Variants in ZGRF1 observed in about 807,000 individuals in gnomAD.
The protein encoded by ZGRF1 is zinc finger GRF-type containing 1.
ZGRF1 carries 196 observed loss-of-function variants against 203.5 expected under a neutral mutation model. That is an observed-to-expected ratio of 0.96 (90% CI 0.86 to 1.08). ZGRF1 has a LOEUF of 1.08. Among genes scored for constraint, ZGRF1 ranks in the 50% least tolerant of loss-of-function variants. The probability of loss-of-function intolerance (pLI) is 0.00; values close to 1 mark genes in which losing one functional copy is unlikely to be tolerated. For synonymous variants in ZGRF1, 809 were observed against 841.3 expected (o/e 0.96, Z 0.66); for missense variants, 2,326 against 2,416.3 (o/e 0.96, Z 0.78).
chr4:112,618,833 T>C lies in ZGRF1; in HGVS notation c.1209A>G (p.Lys403=). Residue 403 remains lysine (K), a synonymous_variant, in exon 6 of 28, where the codon AAA becomes AAG. Transcript: ENST00000505019. ...TTTCATTGAATGAAGGAATTTCTAA[T>C]TTTACTTCCTGATTCCAGGATGGAT... ...NNDPSWNQEV[K]LEIPSFNESS... The C allele has an allele frequency of 6.2e-7, 1 of 1,613,272 alleles. No individual in the cohort carries two copies. The highest frequency in any genetic ancestry group is 8.5e-7 in the Non-Finnish European group (1 of 1,179,762).
At chr4:112,566,970 A>T (rs1039521348) in intron 16 of ZGRF1, among the ~76,000 whole-genome samples, 1 of 152,144 alleles carries the variant, frequency 6.6e-6, no homozygotes, top group Non-Finnish European at 1.5e-5. Flanking sequence ...TCAGGGTAGC[A>T]ATGCAAGTTC....
chr4:112,592,548 ACTCT>A (rs780991065), intron 10 of ZGRF1, among the ~76,000 whole-genome samples: 10 of 151,710 alleles, frequency 6.6e-5, no homozygotes, highest in Non-Finnish European at 1.0e-4. Flanking sequence ...AATTCACATA[ACTCT>A]CTCTATCCCA....
In ZGRF1 at chr4:112,560,851, C is replaced by T. The variant is rs142878529; in HGVS notation, c.4842G>A (p.Lys1614=). The change falls in exon 19 of 28, where the codon AAG becomes AAA. Residue 1614 remains lysine, a synonymous_variant. Coordinates refer to ENST00000505019, the MANE Select transcript of ZGRF1 (RefSeq NM_018392.5). The stretch of plus-strand genomic sequence containing the variant: ...GAGCTGTAGCTTGATCCTTGTTTAA[C>T]TTGTGTACCTGAATCAACTCACTAG... ...KLASELIQVH[K]LNKDQATALI... 9.9e-6 allele frequency: 16 copies of T among 1,613,744 alleles called. No homozygotes were observed. The highest frequency in any genetic ancestry group is 1.3e-5 in the African/African-American group (1 of 75,038).
At chr4:112,543,889 C>T (rs998723313) in intron 24 of ZGRF1, among the ~76,000 whole-genome samples, 9 of 152,198 alleles carry the variant, frequency 5.9e-5, no homozygotes, top group East Asian at 3.9e-4. Flanking sequence ...GTCAGAGCTC[C>T]GGTGCCAGAG....
intron 11 of ZGRF1, among the ~76,000 whole-genome samples, chr4:112,588,132 C>T (rs1747548188): frequency 6.6e-6 from 1 of 151,846 alleles, no homozygotes; most frequent in Non-Finnish European, 1.5e-5. Flanking sequence ...TATACTGAAA[C>T]ATTCTTAGGG....
Position 112,553,898 on chromosome 4 carries a change from T to C in ZGRF1, c.5283A>G (p.Arg1761=). 1.2e-6 allele frequency: 2 copies of C among 1,613,724 alleles called. No homozygotes were observed. Among genetic ancestry groups the C allele is most frequent in the East Asian group, 2.2e-5 (1 of 44,858 alleles). Residue 1761 remains arginine (R), a synonymous_variant, in exon 22 of 28, where the codon AGA becomes AGG. Coordinates refer to ENST00000505019, the MANE Select transcript of ZGRF1 (RefSeq NM_018392.5). ...GCTCAATGCTTTTTCTCACATAGAC[T>C]CTTTCCGTAGGAGTCAGGTCTTCTT... ...LMKEDLTPTE[R]VYVRKSIEQH... is the part of the protein sequence containing the mutation.
At chr4:112,625,201 ATTGT>A (rs2047193430) in intron 3 of ZGRF1, among the ~76,000 whole-genome samples, 1 of 152,184 alleles carries the variant, frequency 6.6e-6, no homozygotes, top group African/African-American at 2.4e-5. Flanking sequence ...AGGCGGAAGG[ATTGT>A]TTGAGCCTAA....
At position 112,548,297 on chromosome 4, in the gene ZGRF1, C is replaced by A; in HGVS notation, c.5430G>T (p.Glu1810Asp). Reference protein sequence around the residue: ...DLKFPVVVLDECSQITEPASL... With the variant: ...DLKFPVVVLDDCSQITEPASL... ...AGGCCGGTTCAGTTATCTGACTACA[C>A]TCATCCAGCACAACTACAGGAAATT... The change falls in exon 23 of 28, where the codon GAG becomes GAT. Residue 1810 changes from glutamate to aspartate, a missense_variant. Physicochemically the swap from Glu to Asp is conservative, Grantham distance 45. Transcript: ENST00000505019. 1 of 1,552,440 alleles carries A rather than the reference C, an allele frequency of 6.4e-7. No individual in the cohort carries two copies. The highest frequency in any genetic ancestry group is 8.7e-7 in the Non-Finnish European group (1 of 1,147,192).
At chr4:112,607,107 A>G (rs918862850) in intron 8 of ZGRF1, among the ~76,000 whole-genome samples, 2 of 151,998 alleles carry the variant, frequency 1.3e-5, no homozygotes, top group Non-Finnish European at 2.9e-5. Flanking sequence ...TATTCAACCT[A>G]TATTTTAGAA....
rs1294162281 is a variant in ZGRF1, at chr4:112,585,693, G to A, written c.3949C>T (p.Gln1317Ter). The A allele has an allele frequency of 7.5e-6, 12 of 1,593,078 alleles. No individual in the cohort carries two copies. Among genetic ancestry groups the A allele is most frequent in the Non-Finnish European group, 1.0e-5 (12 of 1,171,286 alleles). The part of the protein sequence containing the change: ...HLNILLFGLA[Q>*]NLQKALSKVD... ...TTTGAAAGAGCTTTCTGCAGGTTTT[G>A]TGCTAACCCAAACAGCAATATATTT... The change falls in exon 14 of 28, where the codon CAA (glutamine) becomes TAA (stop). Residue 1317 changes from glutamine (Q) to a stop codon, truncating the protein, a stop_gained. Coordinates refer to ENST00000505019, the MANE Select transcript of ZGRF1 (RefSeq NM_018392.5). LOFTEE classifies it high-confidence loss of function.
intron 18 of ZGRF1, 73 bp downstream of exon 18, chr4:112,562,298 T>C (rs1742147151): frequency 1.3e-6 from 1 of 795,166 alleles, no homozygotes; most frequent in Non-Finnish European, 2.2e-6. Flanking sequence ...TACTGTACTT[T>C]TATTGAATTT....
At chr4:112,563,372 C>G in intron 16 of ZGRF1, 98 bp from the exon 17 acceptor site, 1 of 779,680 alleles carries the variant, frequency 1.3e-6, no homozygotes, top group Non-Finnish European at 2.0e-6. Flanking sequence ...GTACATATAT[C>G]TATAGTACAC....
intron 10 of ZGRF1, among the ~76,000 whole-genome samples, chr4:112,599,821 G>C (rs1227314021): frequency 3.3e-5 from 5 of 152,048 alleles, no homozygotes; most frequent in Non-Finnish European, 7.4e-5. Context: ...TTAATATATG[G>C]ACCCTTGATT....
rs1173862558 is a variant in ZGRF1, at chr4:112,560,882, T to C, written c.4811A>G (p.Lys1604Arg). ...TACCTGAATCAACTCACTAGCTAAC[T>C]TCAATGTTGCTCCTAGGCTGAGTAG... ...FELLSLGATL[K>R]LASELIQVHK... The change falls in exon 19 of 28, where the codon AAG becomes AGG. Residue 1604 changes from lysine to arginine, a missense_variant. Coordinates refer to ENST00000505019, the MANE Select transcript of ZGRF1 (RefSeq NM_018392.5). 1 of 1,613,788 alleles carries C rather than the reference T, an allele frequency of 6.2e-7. No homozygotes were observed. Among genetic ancestry groups the C allele is most frequent in the Admixed American group, 1.7e-5 (1 of 59,998 alleles).
intron 8 of ZGRF1, among the ~76,000 whole-genome samples, chr4:112,606,735 G>A (rs192761910): frequency 1.3e-5 from 2 of 151,952 alleles, no homozygotes; most frequent in East Asian, 3.9e-4. Flanking sequence ...CTATGTTAAT[G>A]CAGATCATCT....
At chr4:112,615,008 C>A (rs1370045562) in intron 6 of ZGRF1, among the ~76,000 whole-genome samples, 2 of 152,078 alleles carry the variant, frequency 1.3e-5, no homozygotes, top group African/African-American at 4.8e-5. Flanking sequence ...AAATAAGGTT[C>A]TTTAAGCAGA....
In ZGRF1 at chr4:112,540,110, G is replaced by A. The variant is rs749137202; in HGVS notation, c.5925C>T (p.Leu1975=). Residue 1975 remains leucine, a synonymous_variant, in exon 27 of 28, where the codon CTC becomes CTT. Transcript: ENST00000505019. ...KSQMYKLCHL[L]SAVDFHHPDI... is the part of the protein sequence containing the mutation. ...CAGGATGGTGAAAGTCCACAGCACT[G>A]AGTAAATGACAAAGCTGTGGAAGAA... is the stretch of plus-strand genomic sequence containing the variant. 8.3e-6 allele frequency: 13 copies of A among 1,563,516 alleles called. No individual in the cohort carries two copies. Among genetic ancestry groups the A allele is most frequent in the Non-Finnish European group, 1.0e-5 (12 of 1,151,568 alleles).
intron 10 of ZGRF1, among the ~76,000 whole-genome samples, chr4:112,593,748 C>T (rs1748548370): frequency 6.6e-6 from 1 of 152,122 alleles, no homozygotes; most frequent in Admixed American, 6.6e-5. Flanking sequence ...GCTGGAGAAG[C>T]CCTCCTTTAT....
At chr4:112,588,064 T>TA (rs11298103) in intron 11 of ZGRF1, 135 bp from the exon 12 acceptor site, 1 of 506,134 alleles carries the variant, frequency 2.0e-6, no homozygotes, top group Non-Finnish European at 3.4e-6. Flanking sequence ...TTTATTTCCT[T>TA]AAAAAAAAAT....
Sources: gnomAD v4.1 joint callset for allele counts (sites outside exome capture counted in the v4.1 genomes callset) on GRCh38, gnomAD v4.1.1 for gene constraint, MANE v1.5 for transcripts, NCBI Gene and HGNC (gene_info 2026-07-23, HGNC 2026-07-21) for gene names.